Variants in KLHL18 observed in about 807,000 individuals in gnomAD.
KLHL18 encodes kelch like family member 18.
A neutral mutation model predicts 58.5 loss-of-function variants in KLHL18; 38 were observed. The ratio of observed to expected loss-of-function variants is 0.65; its 90% confidence interval spans 0.50 to 0.85. The LOEUF (loss-of-function observed/expected upper bound fraction) is 0.85. Among genes scored for constraint, KLHL18 ranks in the 40% least tolerant of loss-of-function variants. The pLI is 0.00. For missense variants in KLHL18, 624 were observed against 778.4 expected, an observed-to-expected ratio of 0.80 and a Z score of 2.36; for synonymous variants, 303 against 301.9, an observed-to-expected ratio of 1.00 and a Z score of -0.04.
chr3:47,333,447 C>G, intron 5 of KLHL18, 130 bp downstream of exon 5: 3 of 884,562 alleles, frequency 3.4e-6, no homozygotes, highest in Non-Finnish European at 5.0e-6. Context: ...ACAGATTGGT[C>G]TGCCCTCTGT....
At chr3:47,295,227 G>A (rs539884079) in intron 1 of KLHL18, among the ~76,000 whole-genome samples, 61 of 152,264 alleles carry the variant, frequency 4.0e-4, no homozygotes, top group Non-Finnish European at 7.2e-4. Flanking sequence ...TGTCTCAGAC[G>A]TCAGAGGGAG....
chr3:47,345,852 T>G lies in KLHL18; in HGVS notation c.*1911T>G, dbSNP rs181986347. 2.0e-5 allele frequency: 3 copies of G among 152,724 alleles called. No individual in the cohort carries two copies. Among genetic ancestry groups the G allele is most frequent in the African/African-American group, 7.2e-5 (3 of 41,562 alleles). 9.5% of individuals were successfully genotyped at this position (152,724 alleles called of 1,614,324 possible). A position where few individuals can be genotyped will look rare whatever the true frequency, so the allele number is the denominator to read the frequency against. On this transcript the variant is annotated 3_prime_UTR_variant, in exon 10 of 10. Coordinates refer to ENST00000232766, the MANE Select transcript of KLHL18 (RefSeq NM_025010.5). ...CCATGTATTCAGAGGGAAGTACCTT[T>G]GTTACCTACAACTTAGGAGCTAGGC...
In KLHL18 at chr3:47,344,268, C is replaced by T. The variant is rs1286246241; in HGVS notation, c.*327C>T. 5.4e-6 allele frequency: 2 copies of T among 373,728 alleles called. No individual in the cohort carries two copies. Among genetic ancestry groups the T allele is most frequent in the Non-Finnish European group, 9.7e-6 (2 of 205,266 alleles). The allele number at this position is 373,728 out of a possible 1,614,324, so 23.2% of individuals were successfully genotyped here. On this transcript the variant is annotated 3_prime_UTR_variant, in exon 10 of 10. Transcript: ENST00000232766. Reference sequence around the variant, plus strand: ...CGCCTCTCTGTGGGCCAGCTGTTCACAGAAGGCCTTCCATCTGATGCTCCC... The same window carrying T: ...CGCCTCTCTGTGGGCCAGCTGTTCATAGAAGGCCTTCCATCTGATGCTCCC...
In KLHL18 at chr3:47,334,918, A is replaced by G; in HGVS notation, c.898+99A>G. On this transcript the variant is annotated intron_variant, in intron 6 of 9. Coordinates refer to ENST00000232766, the MANE Select transcript of KLHL18 (RefSeq NM_025010.5). This position sits in a 1 kb window ranked among gnomAD's most constrained non-coding sequence, Gnocchi z 4.7. ...GGCCCTTCTGGTTTCTCTGTTTTGT[A>G]CTGTCACCACCCTTGCCCCTCTTGA... 1 of 1,237,684 alleles carries G rather than the reference A, an allele frequency of 8.1e-7. No homozygotes were observed. Among genetic ancestry groups the G allele is most frequent in the Non-Finnish European group, 1.1e-6 (1 of 881,700 alleles). 76.7% of individuals were successfully genotyped at this position (1,237,684 alleles called of 1,614,324 possible). A position where few individuals can be genotyped will look rare whatever the true frequency, so the allele number is the denominator to read the frequency against.
intron 1 of KLHL18, among the ~76,000 whole-genome samples, chr3:47,313,026 C>G (rs1703339599): frequency 6.6e-6 from 1 of 150,970 alleles, no homozygotes; most frequent in South Asian, 2.1e-4. Context: ...TCTCCTGCCT[C>G]AGCCTCCTGA....
chr3:47,340,310 A>C (rs1206234088), intron 7 of KLHL18, among the ~76,000 whole-genome samples: 3 of 152,180 alleles, frequency 2.0e-5, no homozygotes, highest in Non-Finnish European at 4.4e-5. Flanking sequence ...CGACCTTCAC[A>C]TGGTGAGGTG....
intron 3 of KLHL18, among the ~76,000 whole-genome samples, chr3:47,329,677 C>T (rs1182089530): frequency 2.0e-5 from 3 of 152,214 alleles, no homozygotes; most frequent in Non-Finnish European, 2.9e-5. Context: ...ATGGTTACTT[C>T]TCACCTTCTG....
rs769288621 is a variant in KLHL18 at position 47,324,298 on chromosome 3, C to CTTTTTTTTT, written c.401+1608_401+1616dup. On this transcript the variant is annotated intron_variant, in intron 3 of 9. Transcript: ENST00000232766. ...CTTCCTTTTTTCTTTTTCTTTCTTT[C>CTTTTTTTTT]TTTTTTTTTTTTTTTTTTTTTTTTT... Among the ~76,000 whole-genome samples, 165 of 37,470 alleles carry CTTTTTTTTT rather than the reference C, an allele frequency of 4.4e-3. 53 individuals carry two copies. The highest frequency in any genetic ancestry group is 5.5e-3 in the African/African-American group (55 of 9,976). The allele number at this position is 37,470 out of a possible 152,430, so 24.6% of individuals were successfully genotyped here.
chr3:47,322,844 C>T (rs753555820), intron 3 of KLHL18, 136 bp downstream of exon 3: 9 of 802,030 alleles, frequency 1.1e-5, no homozygotes, highest in African/African-American at 1.8e-5. Context: ...GCAGCACTTA[C>T]ATTTCTTGAA....
Position 47,330,079 on chromosome 3 carries a change from T to C in KLHL18, c.530T>C (p.Leu177Pro), listed in dbSNP as rs1449267518. The change falls in exon 4 of 10, where the codon CTG becomes CCG. Residue 177 changes from leucine (L) to proline (P), a missense_variant. Leu to Pro is a moderately conservative substitution (Grantham distance 98). Coordinates refer to ENST00000232766, the MANE Select transcript of KLHL18 (RefSeq NM_025010.5). ...FVEVSMSEEF[L>P]ALPLEDVLEL... ...GAGGTGTCCATGTCAGAAGAGTTCC[T>C]GGCCCTGCCCTTGGAAGACGTGCTT... 6.2e-7 allele frequency: 1 copy of C among 1,614,192 alleles called. No homozygotes were observed. Among genetic ancestry groups the C allele is most frequent in the South Asian group, 1.1e-5 (1 of 91,076 alleles).
intron 1 of KLHL18, among the ~76,000 whole-genome samples, chr3:47,286,482 T>C (rs992222184): frequency 2.6e-5 from 4 of 152,224 alleles, no homozygotes; most frequent in African/African-American, 9.6e-5. Flanking sequence ...TGTGAGATGT[T>C]TTCTTGACTG....
chr3:47,289,786 AAAG>A (rs1198207376), intron 1 of KLHL18, among the ~76,000 whole-genome samples: 1 of 152,194 alleles, frequency 6.6e-6, no homozygotes. Context: ...TGTCTCAAAA[AAAG>A]AAAAAAGAGA....
chr3:47,342,918 C>A, intron 9 of KLHL18, 88 bp downstream of exon 9: 2 of 952,236 alleles, frequency 2.1e-6, no homozygotes, highest in Non-Finnish European at 1.7e-6. Context: ...AAACTTCAGC[C>A]TTGCCACAGC....
At chr3:47,320,408 G>A (rs1169880048) in intron 2 of KLHL18, among the ~76,000 whole-genome samples, 1 of 152,140 alleles carries the variant, frequency 6.6e-6, no homozygotes. Context: ...TTAGAAGGTG[G>A]CAGATCTTAT....
At chr3:47,330,628 T>A (rs1473567191) in intron 4 of KLHL18, among the ~76,000 whole-genome samples, 1 of 151,938 alleles carries the variant, frequency 6.6e-6, no homozygotes, top group Non-Finnish European at 1.5e-5. Flanking sequence ...ATTCTGTTGA[T>A]TTTTGTCAAC....
intron 3 of KLHL18, among the ~76,000 whole-genome samples, chr3:47,329,605 C>G (rs1703807331): frequency 6.6e-6 from 1 of 152,206 alleles, no homozygotes; most frequent in African/African-American, 2.4e-5. Flanking sequence ...GCCCTGGACA[C>G]TCAACCAGGA....
intron 1 of KLHL18, among the ~76,000 whole-genome samples, chr3:47,290,350 A>G (rs1481687837): frequency 6.6e-6 from 1 of 152,228 alleles, no homozygotes; most frequent in Non-Finnish European, 1.5e-5. Context: ...TGATTTTGAA[A>G]TGACATTGTA....
intron 7 of KLHL18, among the ~76,000 whole-genome samples, chr3:47,339,893 A>G (rs1181262971): frequency 6.6e-6 from 1 of 152,246 alleles, no homozygotes; most frequent in African/African-American, 2.4e-5. Context: ...CTCAAAAAAA[A>G]AAAAATTAGC....
intron 1 of KLHL18, among the ~76,000 whole-genome samples, chr3:47,294,015 C>T (rs1702845003): frequency 6.6e-6 from 1 of 152,228 alleles, no homozygotes; most frequent in African/African-American, 2.4e-5. Context: ...ATAATAGCTG[C>T]TCAGTAAACC....
Sources: gnomAD v4.1 joint callset for allele counts (sites outside exome capture counted in the v4.1 genomes callset) on GRCh38, gnomAD v4.1.1 for gene constraint, Gnocchi (gnomAD v3.1) non-coding constraint, MANE v1.5 for transcripts, NCBI Gene and HGNC (gene_info 2026-07-23, HGNC 2026-07-21) for gene names.